SLC24A2: variants seen among roughly 807,000 people sequenced by gnomAD.
SLC24A2 encodes sodium/potassium/calcium exchanger 2.
A neutral mutation model predicts 62.0 loss-of-function variants in SLC24A2; 36 were observed. That is an observed-to-expected ratio of 0.58 (90% CI 0.44 to 0.77). SLC24A2 has a LOEUF of 0.77. SLC24A2 is among the 30% of genes least tolerant of loss of function. SLC24A2 has a pLI of 0.00. For missense variants in SLC24A2, 846 were observed against 817.9 expected, an observed-to-expected ratio of 1.03 and a Z score of -0.42; for synonymous variants, 358 against 294.0, an observed-to-expected ratio of 1.22 and a Z score of -2.23.
the SLC24A2 span, among the ~76,000 whole-genome samples, chr9:20,015,111 C>A: frequency 6.6e-6 from 1 of 152,136 alleles, no homozygotes; most frequent in Admixed American, 6.6e-5. Flanking sequence ...TTGTCTCCCG[C>A]CTTCACTGGG....
chr9:19,897,068 C>A, the SLC24A2 span, among the ~76,000 whole-genome samples: 1 of 152,104 alleles, frequency 6.6e-6, no homozygotes, highest in African/African-American at 2.4e-5. Flanking sequence ...CCACATCAAG[C>A]CTTCTTCATA....
At chr9:20,245,573 C>A in the SLC24A2 span, among the ~76,000 whole-genome samples, 16 of 152,188 alleles carry the variant, frequency 1.1e-4, no homozygotes, top group African/African-American at 3.6e-4. Flanking sequence ...AAGGTGGACC[C>A]CCAAGCCATG....
intron 2 of SLC24A2, among the ~76,000 whole-genome samples, chr9:19,641,038 T>C (rs1272286440): frequency 1.3e-5 from 2 of 152,186 alleles, no homozygotes; most frequent in Non-Finnish European, 2.9e-5. Context: ...AGATCTAAAG[T>C]GGGGACTGGG....
chr9:19,579,542 C>T (rs1042311349), intron 5 of SLC24A2, among the ~76,000 whole-genome samples: 6 of 152,234 alleles, frequency 3.9e-5, no homozygotes, highest in Admixed American at 1.3e-4. Context: ...CCATCATGGT[C>T]TCAGGGTTAT....
intron 7 of SLC24A2, among the ~76,000 whole-genome samples, chr9:19,565,811 C>T (rs1835626508): frequency 6.6e-6 from 1 of 152,140 alleles, no homozygotes; most frequent in South Asian, 2.1e-4. Flanking sequence ...AATAATACCA[C>T]ACATCTATAA....
chr9:19,559,019 G>C (rs1230575025), intron 7 of SLC24A2, among the ~76,000 whole-genome samples: 1 of 152,128 alleles, frequency 6.6e-6, no homozygotes, highest in Non-Finnish European at 1.5e-5. Context: ...TCAAGCCCAA[G>C]GCTGTCTTAA....
At chr9:19,697,226 C>A (rs755933616) in intron 2 of SLC24A2, among the ~76,000 whole-genome samples, 3 of 152,016 alleles carry the variant, frequency 2.0e-5, no homozygotes, top group African/African-American at 7.2e-5. Context: ...TTAAAAATAT[C>A]TTTTTCTAAG....
At chr9:19,736,228 G>C (rs1821506002) in intron 2 of SLC24A2, among the ~76,000 whole-genome samples, 1 of 151,966 alleles carries the variant, frequency 6.6e-6, no homozygotes, top group South Asian at 2.1e-4. Context: ...AATAATACTT[G>C]ATTAATCCAA....
At chr9:19,562,961 C>G (rs1465118592) in intron 7 of SLC24A2, among the ~76,000 whole-genome samples, 1 of 152,110 alleles carries the variant, frequency 6.6e-6, no homozygotes, top group East Asian at 1.9e-4. Flanking sequence ...AAAAAATTAA[C>G]TGGGCATGGT....
At chr9:20,048,128 A>G in the SLC24A2 span, among the ~76,000 whole-genome samples, 1 of 152,220 alleles carries the variant, frequency 6.6e-6, no homozygotes, top group South Asian at 2.1e-4. Flanking sequence ...ACTACATGCC[A>G]GGAACAATGC....
At chr9:20,238,444 C>G in the SLC24A2 span, among the ~76,000 whole-genome samples, 1 of 152,172 alleles carries the variant, frequency 6.6e-6, no homozygotes, top group Non-Finnish European at 1.5e-5. Flanking sequence ...ACCCACCATA[C>G]CACCCCAGAT....
the SLC24A2 span, among the ~76,000 whole-genome samples, chr9:20,112,871 G>A: frequency 6.6e-6 from 1 of 151,914 alleles, no homozygotes; most frequent in Non-Finnish European, 1.5e-5. Context: ...TATCTAGTTG[G>A]TAGAGTACAA....
chr9:20,036,088 G>A, the SLC24A2 span, among the ~76,000 whole-genome samples: 1 of 152,164 alleles, frequency 6.6e-6, no homozygotes, highest in Non-Finnish European at 1.5e-5. Flanking sequence ...TTCTCTCTGA[G>A]CAGAAGTTTT....
the SLC24A2 span, among the ~76,000 whole-genome samples, chr9:20,246,301 T>C: frequency 2.6e-5 from 4 of 152,304 alleles, no homozygotes; most frequent in African/African-American, 9.6e-5. Context: ...CATGAAATTT[T>C]GGTAAAGCAA....
At chr9:20,178,809 T>C in the SLC24A2 span, among the ~76,000 whole-genome samples, 1 of 152,142 alleles carries the variant, frequency 6.6e-6, no homozygotes, top group South Asian at 2.1e-4. Flanking sequence ...AACTTGCTTC[T>C]CCAACATATT....
chr9:20,174,683 A>G, the SLC24A2 span, among the ~76,000 whole-genome samples: 2 of 151,906 alleles, frequency 1.3e-5, no homozygotes, highest in African/African-American at 4.8e-5. Flanking sequence ...ATGGCCATAA[A>G]CAAAAATTAA....
the SLC24A2 span, among the ~76,000 whole-genome samples, chr9:19,916,552 T>A: frequency 6.6e-6 from 1 of 152,030 alleles, no homozygotes; most frequent in Non-Finnish European, 1.5e-5. Flanking sequence ...TGTGTCTGTA[T>A]GTACATCTAA....
the SLC24A2 span, among the ~76,000 whole-genome samples, chr9:20,088,825 A>T: frequency 6.6e-6 from 1 of 151,786 alleles, no homozygotes; most frequent in East Asian, 2.0e-4. Flanking sequence ...CAAGTCTGTA[A>T]TTCCCTGGAA....
At chr9:20,143,207 G>A in the SLC24A2 span, among the ~76,000 whole-genome samples, 1 of 152,126 alleles carries the variant, frequency 6.6e-6, no homozygotes, top group African/African-American at 2.4e-5. Context: ...CCCAAGAAGA[G>A]AAAACTATTT....
Sources: gnomAD v4.1 joint callset for allele counts (sites outside exome capture counted in the v4.1 genomes callset) on GRCh38, gnomAD v4.1.1 for gene constraint, MANE v1.5 for transcripts, NCBI Gene and HGNC (gene_info 2026-07-23, HGNC 2026-07-21) for gene names.